DNAH9: variants seen among roughly 807,000 people sequenced by gnomAD.
DNAH9 encodes dynein axonemal heavy chain 9, also known as DNAH9 variant protein.
In DNAH9, 345 loss-of-function variants were observed where a neutral mutation model predicts 471.6. The ratio of observed to expected loss-of-function variants is 0.73; its 90% CI spans 0.67 to 0.80. The LOEUF is 0.80. Among genes scored for constraint, DNAH9 ranks in the 30% least tolerant of loss-of-function variants. The pLI is 0.00. For synonymous variants in DNAH9, 2,093 were observed against 2,123.6 expected, an observed-to-expected ratio of 0.99 and a Z score of 0.40; for missense variants, 5,407 against 5,609.2, an observed-to-expected ratio of 0.96 and a Z score of 1.15.
At chr17:11,916,541 C>G (rs1196938189) in intron 61 of DNAH9, among the ~76,000 whole-genome samples, 1 of 152,338 alleles carries the variant, frequency 6.6e-6, no homozygotes, top group Admixed American at 6.5e-5. Flanking sequence ...GGCTCCTAGT[C>G]TCAAGTCTGG....
intron 68 of DNAH9, among the ~76,000 whole-genome samples, chr17:11,965,065 TA>T (rs1305297467): frequency 6.6e-6 from 1 of 152,110 alleles, no homozygotes; most frequent in Non-Finnish European, 1.5e-5. Context: ...TCAAAAAGCT[TA>T]AAAGGGCAAG....
chr17:11,795,406 A>G (rs1969208084), intron 42 of DNAH9, among the ~76,000 whole-genome samples: 1 of 152,132 alleles, frequency 6.6e-6, no homozygotes, highest in South Asian at 2.1e-4. Context: ...TAGGTATGCT[A>G]TGTTGTCCTC....
chr17:11,712,164 TAATA>T (rs1487327060), intron 26 of DNAH9, among the ~76,000 whole-genome samples: 4 of 138,958 alleles, frequency 2.9e-5, no homozygotes, highest in Admixed American at 7.6e-5. Context: ...TATTATTCAA[TAATA>T]AATATATTAA....
At chr17:11,868,747 G>A (rs907870963) in intron 50 of DNAH9, among the ~76,000 whole-genome samples, 1 of 151,922 alleles carries the variant, frequency 6.6e-6, no homozygotes, top group African/African-American at 2.4e-5. Flanking sequence ...CAGGCTACTG[G>A]AACCCATTTT....
In DNAH9 at chr17:11,924,270, A is replaced by G. The variant is rs181828296; in HGVS notation, c.11877+329A>G. 2.4e-3 allele frequency among the ~76,000 whole-genome samples: 368 copies of G among 152,312 alleles called. 1 individual carries two copies. Among genetic ancestry groups the G allele is most frequent in the African/African-American group, 8.3e-3 (343 of 41,572 alleles). On this transcript the variant is annotated intron_variant, in intron 62 of 68. Transcript: ENST00000262442. ...AAGGCCCTGGCAGCTGGATGCTTTC[A>G]ACAGCTGGTTTCTTCCTGTGAATTT...
chr17:11,630,791 A>G (rs1179458913), intron 7 of DNAH9, among the ~76,000 whole-genome samples: 1 of 152,162 alleles, frequency 6.6e-6, no homozygotes, highest in Non-Finnish European at 1.5e-5. Context: ...CTCACCACGC[A>G]CACAAAAAGC....
intron 68 of DNAH9, among the ~76,000 whole-genome samples, chr17:11,963,744 A>C (rs74441867): frequency 5.3e-5 from 8 of 152,334 alleles, no homozygotes; most frequent in Middle Eastern, 3.4e-3. Flanking sequence ...ATTCTAGTGG[A>C]TATAGCAAGT....
chr17:11,785,267 C>A (rs1968822040), intron 41 of DNAH9, among the ~76,000 whole-genome samples: 1 of 152,074 alleles, frequency 6.6e-6, no homozygotes, highest in African/African-American at 2.4e-5. Context: ...TGCAGAAACT[C>A]ATTTGTAGAG....
In DNAH9 at chr17:11,710,875, G is replaced by A. The variant is rs117415141; in HGVS notation, c.5552+5690G>A. ...TCAGTTACCAGTGATAGAAGTGGCCGAAAAAAGACTTATCTCACACATCTG... is the reference window on the plus strand; with the variant it reads ...TCAGTTACCAGTGATAGAAGTGGCCAAAAAAAGACTTATCTCACACATCTG... On this transcript the variant is annotated intron_variant, in intron 26 of 68. Coordinates refer to ENST00000262442, the MANE Select transcript of DNAH9 (RefSeq NM_001372.4). 8.8e-3 allele frequency among the ~76,000 whole-genome samples: 1,346 copies of A among 152,184 alleles called. 16 individuals carry two copies. The highest frequency in any genetic ancestry group is 0.013 in the Non-Finnish European group (852 of 68,006).
chr17:11,760,183 T>G (rs923994881), intron 35 of DNAH9, among the ~76,000 whole-genome samples: 5 of 152,252 alleles, frequency 3.3e-5, no homozygotes, highest in Non-Finnish European at 7.3e-5. Flanking sequence ...ATGACTTCGC[T>G]ATTGTGAATA....
At chr17:11,721,899 G>A (rs1480689945) in intron 27 of DNAH9, among the ~76,000 whole-genome samples, 1 of 152,294 alleles carries the variant, frequency 6.6e-6, no homozygotes, top group Non-Finnish European at 1.5e-5. Flanking sequence ...TGTGGAGGAC[G>A]TGATACCCAA....
Position 11,875,110 on chromosome 17 carries a change from TCAGC to T in DNAH9, c.10405_10408del (p.Gln3469TyrfsTer29). 6.2e-7 allele frequency: 1 copy of T among 1,614,170 alleles called. No individual in the cohort carries two copies. Among genetic ancestry groups the T allele is most frequent in the Non-Finnish European group, 8.5e-7 (1 of 1,180,034 alleles). On this transcript the variant is annotated frameshift_variant, in exon 53 of 69. Transcript: ENST00000262442. LOFTEE classifies it high-confidence loss of function. ...AGCGCTGGCCACTCATGGTTGACCC[TCAGC>T]TACAAGGCATCAAATGGATCAAGAA...
intron 58 of DNAH9, among the ~76,000 whole-genome samples, chr17:11,894,033 T>A (rs1369513089): frequency 6.6e-6 from 1 of 152,220 alleles, no homozygotes; most frequent in Non-Finnish European, 1.5e-5. Flanking sequence ...TTTGACATTC[T>A]CCTCAGATCA....
intron 19 of DNAH9, among the ~76,000 whole-genome samples, chr17:11,686,773 G>A (rs2150748830): frequency 6.6e-6 from 1 of 152,288 alleles, no homozygotes; most frequent in Admixed American, 6.5e-5. Context: ...AGAATGGTTA[G>A]CAAGATAATT....
chr17:11,703,408 TG>T (rs1246784885), intron 24 of DNAH9, among the ~76,000 whole-genome samples: 1 of 152,204 alleles, frequency 6.6e-6, no homozygotes, highest in Admixed American at 6.5e-5. Context: ...CTTGTTTACC[TG>T]TATCAGAATT....
intron 11 of DNAH9, 117 bp downstream of exon 11, chr17:11,644,816 T>C (rs2073349536): frequency 5.6e-6 from 4 of 715,050 alleles, no homozygotes; most frequent in South Asian, 1.8e-5. Flanking sequence ...CTATGTTTTA[T>C]GTTATAACCA....
At chr17:11,884,624 AACC>A (rs1972826140) in intron 56 of DNAH9, 1 of 454,074 alleles carries the variant, frequency 2.2e-6, no homozygotes, top group Admixed American at 2.4e-5. Context: ...AAGACAGATA[AACC>A]AGGTCATACC....
At chr17:11,603,220 A>C (rs1221913347) in intron 1 of DNAH9, among the ~76,000 whole-genome samples, 2 of 152,230 alleles carry the variant, frequency 1.3e-5, no homozygotes, top group Non-Finnish European at 2.9e-5. Flanking sequence ...TATGTTTCCC[A>C]GCAGACATTC....
chr17:11,683,966 G>T (rs1268278371), intron 19 of DNAH9, among the ~76,000 whole-genome samples: 1 of 152,158 alleles, frequency 6.6e-6, no homozygotes, highest in Non-Finnish European at 1.5e-5. Context: ...TCTTAGTTTG[G>T]TGTGTGTGAG....
Sources: allele counts gnomAD v4.1 joint callset (sites outside exome capture counted in the v4.1 genomes callset), GRCh38; gene constraint gnomAD v4.1.1; transcripts MANE v1.5; gene names NCBI Gene and HGNC (gene_info 2026-07-23, HGNC 2026-07-21).